Variants in SRGAP1 observed in about 807,000 individuals in gnomAD.
The protein encoded by SRGAP1 is SLIT-ROBO Rho GTPase activating protein 1.
A neutral mutation model predicts 121.9 loss-of-function variants in SRGAP1; 43 were observed. The observed-to-expected ratio is 0.35, with a 90% confidence interval of 0.28 to 0.46. The LOEUF (loss-of-function observed/expected upper bound fraction) is 0.46. Ranked by LOEUF, SRGAP1 falls within the 20% of genes least tolerant of loss-of-function variation. The pLI, the probability that SRGAP1 is intolerant of heterozygous loss-of-function variation, is 1.00. For missense variants in SRGAP1, 1,102 were observed against 1,350.9 expected (o/e 0.82, Z 2.89); for synonymous variants, 447 against 485.4 (o/e 0.92, Z 1.04).
Position 63,912,852 on chromosome 12 carries a change from G to A in SRGAP1, c.67+67969G>A, listed in dbSNP as rs566753322. On this transcript the variant is annotated intron_variant, in intron 1 of 21. Transcript: ENST00000355086. ...GGTTCATGGCCTGCAACACTAGCTG[G>A]AAAGAAAGAGGAAGTTTAGATAATA... is the stretch of plus-strand genomic sequence containing the variant. Among the ~76,000 whole-genome samples, 3 of 152,234 alleles carry A rather than the reference G, an allele frequency of 2.0e-5. No individual in the cohort carries two copies. The East Asian group carries it at 5.8e-4, about 29-fold the overall frequency.
intron 8 of SRGAP1, among the ~76,000 whole-genome samples, chr12:64,070,830 T>C (rs1037350637): frequency 2.0e-5 from 3 of 152,098 alleles, no homozygotes; most frequent in South Asian, 2.1e-4. Context: ...AATCACATTT[T>C]CCCCCCAAAT....
intron 8 of SRGAP1, among the ~76,000 whole-genome samples, chr12:64,066,113 A>G (rs1041206444): frequency 6.6e-5 from 10 of 152,262 alleles, no homozygotes; most frequent in African/African-American, 9.6e-5. Context: ...CAGTGTTTGC[A>G]GTATCCTCAG....
intron 6 of SRGAP1, among the ~76,000 whole-genome samples, chr12:64,059,607 AAAAAG>A (rs1204291238): frequency 9.9e-5 from 15 of 152,194 alleles, no homozygotes; most frequent in African/African-American, 2.7e-4. Flanking sequence ...ACATCTAAAA[AAAAAG>A]GTCATTTCCT....
intron 1 of SRGAP1, among the ~76,000 whole-genome samples, chr12:63,972,913 C>T (rs1363520714): frequency 2.0e-5 from 3 of 152,086 alleles, no homozygotes; most frequent in Admixed American, 6.5e-5. Context: ...CTTGGGAGGC[C>T]GAGGTGGGCA....
At chr12:64,085,620 T>TA (rs1436189954) in intron 10 of SRGAP1, among the ~76,000 whole-genome samples, 3 of 152,170 alleles carry the variant, frequency 2.0e-5, no homozygotes, top group Non-Finnish European at 2.9e-5. Context: ...AGGCACCACA[T>TA]ACCACAGTCA....
chr12:63,896,125 G>A (rs1353067485), intron 1 of SRGAP1, among the ~76,000 whole-genome samples: 1 of 152,136 alleles, frequency 6.6e-6, no homozygotes, highest in East Asian at 1.9e-4. Context: ...TCCATAAATG[G>A]GAGGGAGGGG....
At chr12:63,928,828 T>C (rs1246706840) in intron 1 of SRGAP1, among the ~76,000 whole-genome samples, 1 of 152,174 alleles carries the variant, frequency 6.6e-6, no homozygotes, top group Non-Finnish European at 1.5e-5. Flanking sequence ...AGGCATTAGA[T>C]TCTCATAAGA....
intron 1 of SRGAP1, among the ~76,000 whole-genome samples, chr12:63,937,500 C>A (rs2136346087): frequency 6.6e-6 from 1 of 152,276 alleles, no homozygotes; most frequent in East Asian, 1.9e-4. Flanking sequence ...CTATGAATTA[C>A]TTAGTTCAAA....
chr12:63,963,879 G>A (rs552033639), intron 1 of SRGAP1, among the ~76,000 whole-genome samples: 14 of 152,242 alleles, frequency 9.2e-5, no homozygotes, highest in African/African-American at 3.1e-4. Flanking sequence ...AAATCACCCA[G>A]TATACCCAAA....
Position 64,128,053 on chromosome 12 carries a change from C to G in SRGAP1, c.2733C>G (p.Arg911=). 4 of 1,614,166 alleles carry G rather than the reference C, an allele frequency of 2.5e-6. No individual in the cohort carries two copies. The highest frequency in any genetic ancestry group is 3.4e-6 in the Non-Finnish European group (4 of 1,180,030). ...ACAATGACAGTCCTGAGCGGAGGCG[C>G]AGGCCTGGCCATGGCAGCCTGACCA... The part of the protein sequence containing the change: ...GLNNDSPERR[R]RPGHGSLTNI... Residue 911 remains arginine (R), a synonymous_variant, in exon 21 of 22, where the codon CGC becomes CGG. Coordinates refer to ENST00000355086, the MANE Select transcript of SRGAP1 (RefSeq NM_020762.4).
intron 12 of SRGAP1, chr12:64,091,987 C>T (rs1243941837): frequency 2.9e-6 from 4 of 1,361,706 alleles, no homozygotes; most frequent in African/African-American, 2.9e-5. Context: ...TCAAGTCGTG[C>T]TCATGCTTGG....
At chr12:63,906,423 T>C (rs1176928613) in intron 1 of SRGAP1, among the ~76,000 whole-genome samples, 1 of 151,996 alleles carries the variant, frequency 6.6e-6, no homozygotes, top group Non-Finnish European at 1.5e-5. Context: ...CACACCATTC[T>C]CCTGCCTCAG....
At position 64,097,395 on chromosome 12, in the gene SRGAP1, A is replaced by G. The variant is rs2036178680; in HGVS notation, c.1813+20A>G. ...GTATCAGTAAGTGGACATTTTTTTC[A>G]TCTTTTCCCACAAGAATTATTTCAC... is the stretch of plus-strand genomic sequence containing the variant. On this transcript the variant is annotated intron_variant, in intron 15 of 21. Transcript: ENST00000355086. 6.2e-7 allele frequency: 1 copy of G among 1,606,964 alleles called. No individual in the cohort carries two copies. The highest frequency in any genetic ancestry group is 8.5e-7 in the Non-Finnish European group (1 of 1,178,080).
In SRGAP1 at chr12:64,125,855, C is replaced by G. The variant is rs930559383; in HGVS notation, c.2225-122C>G. The G allele has an allele frequency of 9.0e-6, 8 of 886,444 alleles. No individual in the cohort carries two copies. The African/African-American group carries it at 1.3e-4, about 15-fold the overall frequency. The allele number at this position is 886,444 out of a possible 1,614,324, so 54.9% of individuals were successfully genotyped here. On this transcript the variant is annotated intron_variant, in intron 18 of 21. Coordinates refer to ENST00000355086, the MANE Select transcript of SRGAP1 (RefSeq NM_020762.4). ...CTGCCTTGATAATATGTTGATGACT[C>G]TGTTCAGTCTAGATATTAAAATGGT...
intron 6 of SRGAP1, among the ~76,000 whole-genome samples, chr12:64,047,641 G>C (rs1184328051): frequency 6.6e-6 from 1 of 152,040 alleles, no homozygotes; most frequent in East Asian, 1.9e-4. Flanking sequence ...TAAACCCCCA[G>C]TTTCCTTTTA....
intron 1 of SRGAP1, among the ~76,000 whole-genome samples, chr12:63,915,686 G>A (rs1227201343): frequency 6.6e-6 from 1 of 152,144 alleles, no homozygotes; most frequent in African/African-American, 2.4e-5. Context: ...ATTCCTTATT[G>A]ATTAACAACT....
intron 1 of SRGAP1, among the ~76,000 whole-genome samples, chr12:63,849,300 A>G (rs1481231126): frequency 1.3e-5 from 2 of 152,366 alleles, no homozygotes; most frequent in East Asian, 3.9e-4. Context: ...TTAGTGATCT[A>G]TGTAATTCTT....
intron 1 of SRGAP1, among the ~76,000 whole-genome samples, chr12:63,982,167 C>T (rs974295699): frequency 2.6e-5 from 4 of 151,472 alleles, no homozygotes; most frequent in Admixed American, 6.6e-5. Context: ...GCCGAGATCG[C>T]GCCACTGCAC....
intron 4 of SRGAP1, among the ~76,000 whole-genome samples, chr12:64,036,078 C>T (rs546196457): frequency 2.0e-5 from 3 of 152,264 alleles, no homozygotes; most frequent in African/African-American, 4.8e-5. Context: ...TGTTCATCAG[C>T]GGGTTTGGCC....
Sources: allele counts gnomAD v4.1 joint callset (sites outside exome capture counted in the v4.1 genomes callset), GRCh38; gene constraint gnomAD v4.1.1; transcripts MANE v1.5; gene names NCBI Gene and HGNC (gene_info 2026-07-23, HGNC 2026-07-21).